The following OTOGL variants were observed in gnomAD, a reference collection of about 807,000 sequenced individuals.
OTOGL encodes otogelin-like protein.
OTOGL carries 285 observed loss-of-function variants against 318.5 expected under a neutral mutation model. The observed-to-expected ratio is 0.89, with a 90% CI of 0.81 to 0.99. The LOEUF (loss-of-function observed/expected upper bound fraction) is 0.99, where lower values mean the gene tolerates loss of function less well. Ranked by LOEUF, OTOGL falls within the 50% of genes least tolerant of loss-of-function variation. OTOGL has a pLI of 0.00. For synonymous variants in OTOGL, 987 were observed against 936.5 expected, an observed-to-expected ratio of 1.05 and a Z score of -0.99; for missense variants, 2,899 against 2,845.6, an observed-to-expected ratio of 1.02 and a Z score of -0.43.
At chr12:80,149,071 G>A (rs556775171) in intron 1 of OTOGL, among the ~76,000 whole-genome samples, 106 of 152,226 alleles carry the variant, frequency 7.0e-4, no homozygotes, top group African/African-American at 2.2e-3. Flanking sequence ...GTCGTTCTCC[G>A]TCCAGCTTTG....
chr12:80,166,273 T>G (rs34200423), intron 1 of OTOGL, among the ~76,000 whole-genome samples: 2,692 of 152,062 alleles, frequency 0.018, 69 homozygotes, highest in African/African-American at 0.058. Context: ...TATTTTATTT[T>G]AAATATGACA....
rs539049436 is a variant in OTOGL at position 80,254,811 on chromosome 12, C to A, written c.1442-229C>A. ...AACCTAAAAAATGTGGAATAAATAT[C>A]ATTTTATAAACATTAAATTAAATGG... On this transcript the variant is annotated intron_variant, in intron 15 of 58. Coordinates refer to ENST00000547103, the MANE Select transcript of OTOGL (RefSeq NM_001378609.3). Among the ~76,000 whole-genome samples the A allele has an allele frequency of 1.6e-4, 24 of 151,942 alleles. 1 individual carries two copies. Among genetic ancestry groups the A allele is most frequent in the Admixed American group, 4.6e-4 (7 of 15,254 alleles).
At chr12:80,127,153 T>A (rs529942954) in intron 1 of OTOGL, among the ~76,000 whole-genome samples, 10 of 152,338 alleles carry the variant, frequency 6.6e-5, no homozygotes, top group African/African-American at 2.4e-4. Context: ...TCTTTACAAT[T>A]TGGCATGTTT....
intron 7 of OTOGL, among the ~76,000 whole-genome samples, chr12:80,224,863 T>A (rs574510998): frequency 8.5e-5 from 13 of 152,184 alleles, no homozygotes; most frequent in African/African-American, 3.1e-4. Context: ...CAATAATATC[T>A]TAATTGTACA....
At position 80,313,641 on chromosome 12, in the gene OTOGL, C is replaced by T. The variant is rs1886794271; in HGVS notation, c.3607+9C>T. 1 of 1,599,042 alleles carries T rather than the reference C, an allele frequency of 6.3e-7. No homozygotes were observed. Among genetic ancestry groups the T allele is most frequent in the Admixed American group, 1.7e-5 (1 of 59,064 alleles). ...ATCATCTACTGTTTGTTGTAAGTAC[C>T]CTACTTAGAACATCATTATGTAGAG... On this transcript the variant is annotated intron_variant, in intron 31 of 58. Coordinates refer to ENST00000547103, the MANE Select transcript of OTOGL (RefSeq NM_001378609.3).
At chr12:80,296,801 T>C in intron 26 of OTOGL, 26 bp from the exon 27 acceptor site, 1 of 1,385,464 alleles carries the variant, frequency 7.2e-7, no homozygotes, top group Non-Finnish European at 9.6e-7. Flanking sequence ...TATATTTGTA[T>C]TAATAAAATA....
intron 1 of OTOGL, among the ~76,000 whole-genome samples, chr12:80,115,377 T>C (rs889044844): frequency 6.6e-6 from 1 of 152,192 alleles, no homozygotes; most frequent in African/African-American, 2.4e-5. Flanking sequence ...TGCTGGAGTT[T>C]GCTGGAGGTC....
chr12:80,344,921 A>T (rs1488654743), intron 44 of OTOGL, among the ~76,000 whole-genome samples: 1 of 149,150 alleles, frequency 6.7e-6, no homozygotes, highest in African/African-American at 2.5e-5. Context: ...AACAAAAGAA[A>T]GTTAATTTGC....
At chr12:80,191,789 C>T (rs763555744) in intron 1 of OTOGL, among the ~76,000 whole-genome samples, 3 of 152,194 alleles carry the variant, frequency 2.0e-5, no homozygotes, top group Non-Finnish European at 4.4e-5. Context: ...TTGCTGCTCA[C>T]TAGCTCTCTG....
intron 1 of OTOGL, among the ~76,000 whole-genome samples, chr12:80,169,662 G>A (rs1396612810): frequency 2.0e-5 from 3 of 152,090 alleles, no homozygotes; most frequent in Admixed American, 1.3e-4. Context: ...TCCTTTTGAT[G>A]TTCCTTTGTA....
intron 1 of OTOGL, among the ~76,000 whole-genome samples, chr12:80,100,691 T>C (rs936381668): frequency 1.3e-4 from 20 of 152,158 alleles, no homozygotes; most frequent in African/African-American, 4.6e-4. Context: ...CTTTTCCTTT[T>C]CTTTCAAGCT....
chr12:80,134,993 T>C (rs1871459794), intron 1 of OTOGL, among the ~76,000 whole-genome samples: 1 of 152,206 alleles, frequency 6.6e-6, no homozygotes, highest in African/African-American at 2.4e-5. Flanking sequence ...TTGACCTTTC[T>C]CTAGCTAAAA....
At chr12:80,250,836 C>G (rs184424958) in intron 11 of OTOGL, among the ~76,000 whole-genome samples, 1 of 152,266 alleles carries the variant, frequency 6.6e-6, no homozygotes. Flanking sequence ...AAAACAAGCC[C>G]TCTACCTTGG....
intron 42 of OTOGL, among the ~76,000 whole-genome samples, chr12:80,337,575 T>C (rs1888494368): frequency 6.6e-6 from 1 of 151,996 alleles, no homozygotes; most frequent in Non-Finnish European, 1.5e-5. Flanking sequence ...AGCCTTTTGG[T>C]TTTACAGGAA....
chr12:80,249,759 C>G (rs1276897482), intron 11 of OTOGL, among the ~76,000 whole-genome samples: 1 of 152,196 alleles, frequency 6.6e-6, no homozygotes, highest in Admixed American at 6.5e-5. Flanking sequence ...CGCCCCTCCC[C>G]CAGCCTCGCT....
chr12:80,239,038 A>G lies in OTOGL; in HGVS notation c.945+60A>G, dbSNP rs571250082. 250 of 1,472,316 alleles carry G rather than the reference A, an allele frequency of 1.7e-4. 2 individuals are homozygous for G. Among genetic ancestry groups the G allele is most frequent in the South Asian group, 1.6e-3 (116 of 71,004 alleles). The allele number at this position is 1,472,316 out of a possible 1,614,324, so 91.2% of individuals were successfully genotyped here. A position where few individuals can be genotyped will look rare whatever the true frequency, so the allele number is the denominator to read the frequency against. ...CAGAATACACATATATCTTATTTGT[A>G]TAATTAACTAAGCATTTTTTAGTGT... On this transcript the variant is annotated intron_variant, in intron 10 of 58. Transcript: ENST00000547103.
At chr12:80,126,642 T>C (rs1870858817) in intron 1 of OTOGL, among the ~76,000 whole-genome samples, 2 of 152,338 alleles carry the variant, frequency 1.3e-5, no homozygotes, top group South Asian at 4.1e-4. Context: ...CAGTGGGGTG[T>C]TAACATCTCC....
chr12:80,106,965 A>G (rs527614053), intron 1 of OTOGL, among the ~76,000 whole-genome samples: 51 of 152,182 alleles, frequency 3.4e-4, no homozygotes, highest in Admixed American at 2.4e-3. Context: ...ACAAATTTAC[A>G]AAGAGTTTAC....
intron 1 of OTOGL, among the ~76,000 whole-genome samples, chr12:80,169,109 T>A (rs117465127): frequency 0.036 from 5,525 of 152,274 alleles, 131 homozygotes; most frequent in Non-Finnish European, 0.053. Context: ...CAGTGTACAG[T>A]GTAATATTTC....
Sources: gnomAD v4.1 joint callset for allele counts (sites outside exome capture counted in the v4.1 genomes callset) on GRCh38, gnomAD v4.1.1 for gene constraint, MANE v1.5 for transcripts, NCBI Gene and HGNC (gene_info 2026-07-23, HGNC 2026-07-21) for gene names.